R3HCC1L: variants seen among roughly 807,000 people sequenced by gnomAD.
R3HCC1L encodes R3H domain and coiled-coil containing 1 like, also known as coiled-coil domain-containing protein R3HCC1L.
In R3HCC1L, 51 loss-of-function variants were observed where a neutral mutation model predicts 59.9. That is an observed-to-expected ratio of 0.85 (90% CI 0.68 to 1.07). The LOEUF (loss-of-function observed/expected upper bound fraction) is 1.07, where lower values mean the gene tolerates loss of function less well. R3HCC1L is among the 50% of genes least tolerant of loss of function. The pLI, the probability that R3HCC1L is intolerant of heterozygous loss-of-function variation, is 0.00. For synonymous variants in R3HCC1L, 322 were observed against 315.2 expected, an observed-to-expected ratio of 1.02 and a Z score of -0.23; for missense variants, 965 against 933.0, an observed-to-expected ratio of 1.03 and a Z score of -0.45.
chr10:98,233,923 T>G (rs1017584192), intron 6 of R3HCC1L, among the ~76,000 whole-genome samples: 1 of 152,122 alleles, frequency 6.6e-6, no homozygotes, highest in East Asian at 1.9e-4. Context: ...TGCCCCCTTT[T>G]TTCCCCGTTA....
intron 2 of R3HCC1L, among the ~76,000 whole-genome samples, chr10:98,160,605 A>G (rs1040735190): frequency 6.6e-6 from 1 of 152,176 alleles, no homozygotes. Flanking sequence ...CCCTGGGGTT[A>G]TGTTACTCAT....
Position 98,209,882 on chromosome 10 carries a change from C to T in R3HCC1L, c.1768C>T (p.Pro590Ser). The change falls in exon 5 of 10, where the codon CCA (proline) becomes TCA (serine). Residue 590 changes from proline to serine, a missense_variant. Pro to Ser is a moderately conservative substitution (Grantham distance 74). Coordinates refer to ENST00000298999, the MANE Select transcript of R3HCC1L (RefSeq NM_001351015.2). ...MFNDDGDCLDPRLLQELSGNT... is the reference protein window; with the variant it reads ...MFNDDGDCLDSRLLQELSGNT... ...TAACGATGATGGTGACTGCCTGGAT[C>T]CACGTCTTCTACAAGAGGTATGTTT... 6.2e-7 allele frequency: 1 copy of T among 1,610,916 alleles called. No individual in the cohort carries two copies. Among genetic ancestry groups the T allele is most frequent in the African/African-American group, 1.3e-5 (1 of 74,892 alleles).
At chr10:98,182,160 C>T (rs1343628012) in intron 4 of R3HCC1L, among the ~76,000 whole-genome samples, 2 of 152,160 alleles carry the variant, frequency 1.3e-5, no homozygotes, top group East Asian at 1.9e-4. Context: ...TTATCTACCT[C>T]CGGTCTTTGA....
chr10:98,181,082 T>G (rs1849577536), intron 4 of R3HCC1L, among the ~76,000 whole-genome samples: 1 of 152,226 alleles, frequency 6.6e-6, no homozygotes, highest in Non-Finnish European at 1.5e-5. Context: ...GTGAATTTGA[T>G]CCTGTCGTTA....
intron 5 of R3HCC1L, chr10:98,230,935 G>T (rs1282393907): frequency 3.6e-6 from 1 of 278,780 alleles, no homozygotes; most frequent in African/African-American, 2.2e-5. Context: ...CTTAAGGTAG[G>T]TCTCATGCTA....
chr10:98,232,775 A>G (rs1380648343), intron 6 of R3HCC1L, among the ~76,000 whole-genome samples: 4 of 152,356 alleles, frequency 2.6e-5, no homozygotes, highest in African/African-American at 9.6e-5. Context: ...CAACTCTGCC[A>G]TTGTTAAACA....
At chr10:98,205,974 A>G (rs551336241) in intron 4 of R3HCC1L, among the ~76,000 whole-genome samples, 10 of 152,164 alleles carry the variant, frequency 6.6e-5, no homozygotes, top group Non-Finnish European at 1.5e-4. Flanking sequence ...TTTGAGCTAA[A>G]TTTTGTTTTC....
chr10:98,147,443 G>A lies in R3HCC1L; in HGVS notation c.-267-8650G>A, dbSNP rs190142589. On this transcript the variant is annotated intron_variant, in intron 1 of 9. Transcript: ENST00000298999. ...AGTCCCATTTGTCTATTTTGCCTGG[G>A]TTGCATGTGCTTTTGAGGTCTTACA... Among the ~76,000 whole-genome samples the A allele has an allele frequency of 1.3e-3, 196 of 152,164 alleles. No individual in the cohort carries two copies. The Middle Eastern group carries it at 0.027, about 21-fold the overall frequency.
chr10:98,168,378 T>G (rs969475076), intron 4 of R3HCC1L, among the ~76,000 whole-genome samples: 1 of 152,168 alleles, frequency 6.6e-6, no homozygotes, highest in Admixed American at 6.5e-5. Context: ...TTTCCCAGCC[T>G]ATAAAGCGTG....
At chr10:98,192,134 T>G (rs918436642) in intron 4 of R3HCC1L, among the ~76,000 whole-genome samples, 1 of 152,120 alleles carries the variant, frequency 6.6e-6, no homozygotes, top group Admixed American at 6.5e-5. Flanking sequence ...CTGGACTTTT[T>G]TTTTAAGTCA....
At chr10:98,190,876 T>C (rs1199579286) in intron 4 of R3HCC1L, among the ~76,000 whole-genome samples, 1 of 151,292 alleles carries the variant, frequency 6.6e-6, no homozygotes, top group Non-Finnish European at 1.5e-5. Flanking sequence ...ATTGTTCAGT[T>C]CCTACCTATG....
intron 4 of R3HCC1L, among the ~76,000 whole-genome samples, chr10:98,190,988 CT>C (rs1388205147): frequency 2.6e-5 from 4 of 152,060 alleles, no homozygotes; most frequent in East Asian, 1.9e-4. Context: ...TGAACTCATC[CT>C]TTTTTTCGGC....
intron 9 of R3HCC1L, among the ~76,000 whole-genome samples, chr10:98,242,436 A>T (rs1256420650): frequency 6.6e-6 from 1 of 152,168 alleles, no homozygotes; most frequent in Non-Finnish European, 1.5e-5. Flanking sequence ...CAGACACATT[A>T]ATATTTCTGC....
chr10:98,196,912 C>T (rs1851492783), intron 4 of R3HCC1L, among the ~76,000 whole-genome samples: 1 of 152,118 alleles, frequency 6.6e-6, no homozygotes, highest in Non-Finnish European at 1.5e-5. Context: ...TTACTGACTT[C>T]TCCGCCCCTT....
intron 1 of R3HCC1L, among the ~76,000 whole-genome samples, 152 bp downstream of exon 1, chr10:98,134,858 C>G (rs1001849709): frequency 2.6e-5 from 4 of 152,212 alleles, no homozygotes; most frequent in Non-Finnish European, 2.9e-5. Flanking sequence ...CGCCCCCTGC[C>G]TGGGGCGGAG....
At chr10:98,163,542 AG>A (rs774703712) in intron 4 of R3HCC1L, 145 bp downstream of exon 4, 10 of 469,698 alleles carry the variant, frequency 2.1e-5, no homozygotes, top group Non-Finnish European at 3.7e-5. Flanking sequence ...GTTTCCTGAA[AG>A]GTATAGGGTC....
At position 98,188,908 on chromosome 10, in the gene R3HCC1L, G is replaced by C. The variant is rs369230729; in HGVS notation, c.-14-19193G>C. Among the ~76,000 whole-genome samples the C allele has an allele frequency of 2.6e-5, 4 of 151,970 alleles. No individual in the cohort carries two copies. In the East Asian group the frequency reaches 7.7e-4, roughly 29 times the overall value. On this transcript the variant is annotated intron_variant, in intron 4 of 9. Transcript: ENST00000298999. ...CCTCGGTTTTATCATTGGTAGAATT[G>C]GACTAGTAATAATTCTACTTCATAG...
At chr10:98,240,597 T>C (rs555102926) in intron 9 of R3HCC1L, among the ~76,000 whole-genome samples, 21 of 152,374 alleles carry the variant, frequency 1.4e-4, no homozygotes, top group African/African-American at 5.0e-4. Flanking sequence ...GTTTGATTAA[T>C]TAAATCACAA....
chr10:98,151,492 A>C (rs914425731), intron 1 of R3HCC1L, among the ~76,000 whole-genome samples: 2 of 152,198 alleles, frequency 1.3e-5, no homozygotes, highest in Non-Finnish European at 1.5e-5. Context: ...CACCGCAACT[A>C]CTATTATTGT....
Sources: allele counts gnomAD v4.1 joint callset (sites outside exome capture counted in the v4.1 genomes callset), GRCh38; gene constraint gnomAD v4.1.1; transcripts MANE v1.5; gene names NCBI Gene and HGNC (gene_info 2026-07-23, HGNC 2026-07-21).